PLCG2: variants seen among roughly 807,000 people sequenced by gnomAD.
The protein encoded by PLCG2 is 1-phosphatidylinositol 4,5-bisphosphate phosphodiesterase gamma-2.
PLCG2 carries 69 observed loss-of-function variants against 175.6 expected under a neutral mutation model. That is an observed-to-expected ratio of 0.39 (90% confidence interval 0.32 to 0.48). PLCG2 has a LOEUF of 0.48. PLCG2 is among the 20% of genes least tolerant of loss of function. The pLI, the probability that PLCG2 is intolerant of heterozygous loss-of-function variation, is 0.91. For synonymous variants in PLCG2, 827 were observed against 624.0 expected (o/e 1.33, Z -4.85); for missense variants, 1,798 against 1,650.9 (o/e 1.09, Z -1.54).
chr16:81,880,905 T>G lies in PLCG2; in HGVS notation c.649-5T>G. On this transcript the variant is annotated splice_polypyrimidine_tract_variant and splice_region_variant and intron_variant, in intron 7 of 32. Coordinates refer to ENST00000564138, the MANE Select transcript of PLCG2 (RefSeq NM_002661.5). Reference sequence around the variant, plus strand: ...TCTTTTTTTTGTGTGTGCTTTCCATTTCAGATTCTCGATGAATTCAAAAAG... The same window carrying G: ...TCTTTTTTTTGTGTGTGCTTTCCATGTCAGATTCTCGATGAATTCAAAAAG... 3 of 1,614,084 alleles carry G rather than the reference T, an allele frequency of 1.9e-6. No individual in the cohort carries two copies. The highest frequency in any genetic ancestry group is 2.5e-6 in the Non-Finnish European group (3 of 1,179,892).
intron 10 of PLCG2, 119 bp from the exon 11 acceptor site, chr16:81,891,353 G>T (rs1184190546): frequency 2.9e-6 from 2 of 701,032 alleles, no homozygotes; most frequent in East Asian, 2.5e-5. Flanking sequence ...TCTGGAGACC[G>T]CCTGTTGATT....
intron 1 of PLCG2, chr16:81,783,055 G>A (rs1337351118): frequency 2.2e-6 from 1 of 453,010 alleles, no homozygotes. Context: ...CCTGGGGAAG[G>A]TTAAGTCCAA....
rs1360666905 is a variant in PLCG2, at chr16:81,779,434, C to T, written c.-48+10C>T. 6.6e-6 allele frequency: 1 copy of T among 151,498 alleles called. No homozygotes were observed. The highest frequency in any genetic ancestry group is 1.5e-5 in the Non-Finnish European group (1 of 67,820). 9.4% of individuals were successfully genotyped at this position (151,498 alleles called of 1,614,324 possible). Reference sequence around the variant, plus strand: ...CGGGCGGCACGGCCAGGTGAGCTGCCCGGCCGGGAGCGAGGCAGGCAGGGC... The same window carrying T: ...CGGGCGGCACGGCCAGGTGAGCTGCTCGGCCGGGAGCGAGGCAGGCAGGGC... On this transcript the variant is annotated intron_variant, in intron 1 of 32. Transcript: ENST00000564138.
chr16:81,946,575 G>C (rs1348269783), intron 31 of PLCG2, among the ~76,000 whole-genome samples: 2 of 152,024 alleles, frequency 1.3e-5, no homozygotes, highest in African/African-American at 4.8e-5. Flanking sequence ...TTCCTAGATA[G>C]ACTCATCCTT....
chr16:81,905,908 C>T (rs1380827860), intron 15 of PLCG2, among the ~76,000 whole-genome samples: 1 of 152,210 alleles, frequency 6.6e-6, no homozygotes, highest in African/African-American at 2.4e-5. Flanking sequence ...AGTCCTCCCA[C>T]CTTGGCCTCT....
intron 2 of PLCG2, among the ~76,000 whole-genome samples, chr16:81,844,893 C>G (rs1316066998): frequency 6.6e-6 from 1 of 152,136 alleles, no homozygotes; most frequent in Non-Finnish European, 1.5e-5. Flanking sequence ...TAAGGATCTG[C>G]CTCCTTAATG....
intron 3 of PLCG2, among the ~76,000 whole-genome samples, chr16:81,856,226 C>A (rs1906674644): frequency 6.6e-6 from 1 of 152,134 alleles, no homozygotes; most frequent in Non-Finnish European, 1.5e-5. Flanking sequence ...GCAGTCTCTG[C>A]CATGGGTGTA....
chr16:81,884,916 C>G (rs147589647), intron 9 of PLCG2, among the ~76,000 whole-genome samples: 1 of 152,062 alleles, frequency 6.6e-6, no homozygotes, highest in Non-Finnish European at 1.5e-5. Context: ...TAAGGTCTCA[C>G]TCACCCCCTT....
At chr16:81,950,605 G>T (rs1025218603) in intron 31 of PLCG2, among the ~76,000 whole-genome samples, 1 of 152,112 alleles carries the variant, frequency 6.6e-6, no homozygotes, top group Non-Finnish European at 1.5e-5. Flanking sequence ...TCATAAATTT[G>T]ATTGCATTCG....
Position 81,927,136 on chromosome 16 carries a change from C to G in PLCG2, c.2472C>G (p.Val824=), listed in dbSNP as rs763617895. Residue 824 remains valine, a synonymous_variant, in exon 23 of 33, where the codon GTC becomes GTG. Transcript: ENST00000564138. ...RIQQYFPSNY[V]EDISTADFEE... ...AGCAGTACTTCCCATCCAACTACGT[C>G]GAGGACATCTCAACTGCAGACTTCG... 2 of 1,613,814 alleles carry G rather than the reference C, an allele frequency of 1.2e-6. No individual in the cohort carries two copies. Among genetic ancestry groups the G allele is most frequent in the Non-Finnish European group, 1.7e-6 (2 of 1,179,714 alleles).
intron 2 of PLCG2, among the ~76,000 whole-genome samples, chr16:81,769,792 C>T (rs1361754681): frequency 7.4e-6 from 1 of 135,852 alleles, no homozygotes; most frequent in African/African-American, 2.8e-5. Context: ...TGCACTCCAG[C>T]CTGGGCGACA....
At chr16:81,884,998 C>A (rs1457579751) in intron 9 of PLCG2, among the ~76,000 whole-genome samples, 1 of 152,126 alleles carries the variant, frequency 6.6e-6, no homozygotes, top group East Asian at 1.9e-4. Context: ...ACCGATCCTC[C>A]TGCCTCAGCC....
intron 2 of PLCG2, among the ~76,000 whole-genome samples, chr16:81,838,437 G>C (rs549774307): frequency 6.6e-6 from 1 of 152,094 alleles, no homozygotes; most frequent in Non-Finnish European, 1.5e-5. Flanking sequence ...ACATAAAAAA[G>C]AATGAGTTCA....
At chr16:81,827,245 G>A (rs1415832387) in intron 2 of PLCG2, among the ~76,000 whole-genome samples, 1 of 151,314 alleles carries the variant, frequency 6.6e-6, no homozygotes, top group Non-Finnish European at 1.5e-5. Context: ...GGAGTGCAGT[G>A]GTGCCACTAT....
chr16:81,789,785 C>T (rs1408222429), intron 2 of PLCG2, among the ~76,000 whole-genome samples: 2 of 152,016 alleles, frequency 1.3e-5, no homozygotes, highest in African/African-American at 4.8e-5. Context: ...CCTTCCCCCT[C>T]CTCTCCCTCC....
At position 81,842,249 on chromosome 16, in the gene PLCG2, G is replaced by A. The variant is rs559996390; in HGVS notation, c.194-12195G>A. ...GCTCCAGTCTGCAGAACTCAGCCAG[G>A]ATGCATGTGCTCAGAGAAGCCTTTC... On this transcript the variant is annotated intron_variant, in intron 2 of 32. Coordinates refer to ENST00000564138, the MANE Select transcript of PLCG2 (RefSeq NM_002661.5). Among the ~76,000 whole-genome samples the A allele has an allele frequency of 1.7e-4, 26 of 152,322 alleles. 2 individuals are homozygous for A. In the South Asian group the frequency reaches 4.4e-3, roughly 26 times the overall value.
intron 17 of PLCG2, among the ~76,000 whole-genome samples, chr16:81,909,474 A>G (rs1032109814): frequency 1.3e-5 from 2 of 152,224 alleles, no homozygotes; most frequent in Admixed American, 6.5e-5. Flanking sequence ...CTGTAGTACA[A>G]TGGAGCAGTC....
rs543639653 is a variant in PLCG2 at position 81,860,662 on chromosome 16, A to G, written c.479+1499A>G. Among the ~76,000 whole-genome samples the G allele has an allele frequency of 2.4e-4, 37 of 152,216 alleles. No homozygotes were observed. In the South Asian group the frequency reaches 7.5e-3, roughly 31 times the overall value. On this transcript the variant is annotated intron_variant, in intron 5 of 32. Coordinates refer to ENST00000564138, the MANE Select transcript of PLCG2 (RefSeq NM_002661.5). ...TTTTTGAGGTATGATTCAGCTCTTG[A>G]TAATGTAATGATAAAAACTACCATT... is the stretch of plus-strand genomic sequence containing the variant.
chr16:81,865,202 C>T (rs1215885944), intron 5 of PLCG2, among the ~76,000 whole-genome samples: 1 of 152,118 alleles, frequency 6.6e-6, no homozygotes, highest in African/African-American at 2.4e-5. Context: ...TCAGAGCTGG[C>T]TGCCTTGGAA....
Sources: gnomAD v4.1 joint callset for allele counts (sites outside exome capture counted in the v4.1 genomes callset) on GRCh38, gnomAD v4.1.1 for gene constraint, MANE v1.5 for transcripts, NCBI Gene and HGNC (gene_info 2026-07-23, HGNC 2026-07-21) for gene names.